KATNAL2: variants seen among roughly 807,000 people sequenced by gnomAD.
KATNAL2 encodes katanin p60 ATPase-containing subunit A-like 2.
In KATNAL2, 52 loss-of-function variants were observed where a neutral mutation model predicts 76.3. The observed-to-expected ratio is 0.68, with a 90% CI of 0.55 to 0.86. The LOEUF is 0.86. Ranked by LOEUF, KATNAL2 falls within the 40% of genes least tolerant of loss-of-function variation. KATNAL2 has a pLI of 0.00. For missense variants in KATNAL2, 660 were observed against 668.9 expected, an observed-to-expected ratio of 0.99 and a Z score of 0.15; for synonymous variants, 243 against 244.2, an observed-to-expected ratio of 1.00 and a Z score of 0.05.
At chr18:46,956,562 A>G (rs967799108) in intron 3 of KATNAL2, among the ~76,000 whole-genome samples, 4 of 152,164 alleles carry the variant, frequency 2.6e-5, no homozygotes, top group Admixed American at 1.3e-4. Context: ...TCACCACACC[A>G]TTCTTATCCC....
intron 1 of KATNAL2, among the ~76,000 whole-genome samples, chr18:46,938,253 C>T (rs1219438354): frequency 1.3e-5 from 2 of 151,990 alleles, no homozygotes; most frequent in East Asian, 1.9e-4. Context: ...AACATAAATG[C>T]TATATATTCA....
intron 14 of KATNAL2, chr18:47,076,142 TATC>T (rs1192041166): frequency 6.6e-6 from 1 of 152,224 alleles, no homozygotes; most frequent in Non-Finnish European, 1.5e-5. Context: ...TTTAATGGAC[TATC>T]ATCAAGGCAG....
chr18:46,935,523 A>C (rs1192428211), intron 1 of KATNAL2, among the ~76,000 whole-genome samples: 2 of 152,158 alleles, frequency 1.3e-5, no homozygotes, highest in African/African-American at 4.8e-5. Flanking sequence ...TCCTGAGCTC[A>C]AGCAAGACTT....
At chr18:46,943,792 TA>T (rs2059312101) in intron 1 of KATNAL2, among the ~76,000 whole-genome samples, 1 of 152,246 alleles carries the variant, frequency 6.6e-6, no homozygotes, top group African/African-American at 2.4e-5. Context: ...TCCTTTCTGT[TA>T]ACAATTTGTC....
intron 15 of KATNAL2, among the ~76,000 whole-genome samples, chr18:47,086,132 T>C (rs553846839): frequency 3.3e-5 from 5 of 152,248 alleles, no homozygotes; most frequent in African/African-American, 7.2e-5. Flanking sequence ...TGACTCTCTA[T>C]GAAAAATAAG....
chr18:47,048,381 C>T (rs1006090796), intron 4 of KATNAL2, among the ~76,000 whole-genome samples: 2 of 152,172 alleles, frequency 1.3e-5, no homozygotes, highest in Non-Finnish European at 2.9e-5. Flanking sequence ...CAGTTGACAA[C>T]GAACTGAGAG....
At chr18:46,947,778 A>G (rs548711135) in intron 3 of KATNAL2, among the ~76,000 whole-genome samples, 5 of 152,208 alleles carry the variant, frequency 3.3e-5, no homozygotes, top group Admixed American at 6.5e-5. Flanking sequence ...CTAATAATAC[A>G]CAAAAAGGTA....
intron 3 of KATNAL2, among the ~76,000 whole-genome samples, chr18:46,955,044 G>T (rs1345729327): frequency 6.6e-6 from 1 of 151,796 alleles, no homozygotes; most frequent in Non-Finnish European, 1.5e-5. Context: ...TAAGTCAGCT[G>T]GTGTTTATCC....
At chr18:47,084,141 G>A (rs997548738) in intron 15 of KATNAL2, among the ~76,000 whole-genome samples, 1 of 152,174 alleles carries the variant, frequency 6.6e-6, no homozygotes, top group Non-Finnish European at 1.5e-5. Flanking sequence ...GTCATCGCCT[G>A]GTGACTTCAA....
chr18:47,088,166 G>A (rs1449634839), intron 15 of KATNAL2, among the ~76,000 whole-genome samples: 2 of 152,206 alleles, frequency 1.3e-5, no homozygotes, highest in African/African-American at 4.8e-5. Context: ...GAGCAGGCTT[G>A]TCATGGGGTG....
At chr18:46,939,974 A>G (rs530320187) in intron 1 of KATNAL2, among the ~76,000 whole-genome samples, 4 of 152,256 alleles carry the variant, frequency 2.6e-5, no homozygotes, top group Non-Finnish European at 5.9e-5. Context: ...AGACAAAAAA[A>G]GCAAACAATC....
rs550418518 is a variant in KATNAL2, at chr18:46,921,990, T to G, written c.-510+4064T>G. Among the ~76,000 whole-genome samples the G allele has an allele frequency of 4.1e-3, 622 of 152,262 alleles. 3 individuals are homozygous for G. The highest frequency in any genetic ancestry group is 6.8e-3 in the Non-Finnish European group (465 of 68,020). ...CTTTTGCTAAGCATATATCTATTTA[T>G]ATCACATTTCCTAACTCCTACACAC... On this transcript the variant is annotated intron_variant, in intron 1 of 17. Coordinates refer to ENST00000683218, the MANE Select transcript of KATNAL2 (RefSeq NM_001387690.1).
At chr18:46,931,234 AG>A (rs762159719) in intron 1 of KATNAL2, among the ~76,000 whole-genome samples, 1 of 151,432 alleles carries the variant, frequency 6.6e-6, no homozygotes. Context: ...CAGGAAGCGG[AG>A]GTTGCAGTGA....
chr18:47,094,819 T>C (rs1468609440), intron 15 of KATNAL2, among the ~76,000 whole-genome samples: 1 of 152,202 alleles, frequency 6.6e-6, no homozygotes, highest in Non-Finnish European at 1.5e-5. Context: ...GAGCCTGGTG[T>C]TTCCCAGCCT....
chr18:47,034,834 G>A, intron 3 of KATNAL2: 1 of 1,612,128 alleles, frequency 6.2e-7, no homozygotes. Flanking sequence ...GTGAGACCTC[G>A]GGTGAGGTCT....
chr18:47,031,449 G>T (rs1422193025), intron 3 of KATNAL2, among the ~76,000 whole-genome samples: 1 of 151,970 alleles, frequency 6.6e-6, no homozygotes, highest in African/African-American at 2.4e-5. Context: ...TGGTGGGGGC[G>T]GGGTGTGTTT....
intron 1 of KATNAL2, chr18:46,919,929 G>A (rs1322501958): frequency 2.0e-6 from 1 of 490,752 alleles, no homozygotes; most frequent in Non-Finnish European, 3.7e-6. Flanking sequence ...GCCACTGTGG[G>A]AGGAGTTTTC....
intron 1 of KATNAL2, among the ~76,000 whole-genome samples, chr18:46,928,620 A>G (rs145289584): frequency 6.6e-6 from 1 of 152,184 alleles, no homozygotes; most frequent in Non-Finnish European, 1.5e-5. Flanking sequence ...CTCAGTTGGA[A>G]ATGCAGAAAT....
chr18:46,951,896 C>A (rs1020230405), intron 3 of KATNAL2, among the ~76,000 whole-genome samples: 1 of 152,074 alleles, frequency 6.6e-6, no homozygotes, highest in Non-Finnish European at 1.5e-5. Context: ...GCCTCAGCCT[C>A]CCAAGTAGTT....
Sources: gnomAD v4.1 joint callset for allele counts (sites outside exome capture counted in the v4.1 genomes callset) on GRCh38, gnomAD v4.1.1 for gene constraint, MANE v1.5 for transcripts, NCBI Gene and HGNC (gene_info 2026-07-23, HGNC 2026-07-21) for gene names.